SASH1: variants seen among roughly 807,000 people sequenced by gnomAD.
SASH1 encodes the protein SAM and SH3 domain-containing protein 1.
Under a neutral mutation model 125.2 loss-of-function variants are expected in SASH1, and 44 were observed. That is an observed-to-expected ratio of 0.35 (90% confidence interval 0.28 to 0.45). The LOEUF (loss-of-function observed/expected upper bound fraction) is 0.45, where lower values mean the gene tolerates loss of function less well. Ranked by LOEUF, SASH1 falls within the 20% of genes least tolerant of loss-of-function variation. SASH1 has a pLI of 1.00. For missense variants in SASH1, 1,426 were observed against 1,614.5 expected, an observed-to-expected ratio of 0.88 and a Z score of 2.00; for synonymous variants, 639 against 649.1, an observed-to-expected ratio of 0.98 and a Z score of 0.24.
rs185392150 is a variant in SASH1, at chr6:148,539,191, T to C, written c.2096-1252T>C. On this transcript the variant is annotated intron_variant, in intron 16 of 19. Coordinates refer to ENST00000367467, the MANE Select transcript of SASH1 (RefSeq NM_015278.5). ...CCTCAGAATGAGGTCTTCCTTTTTT[T>C]TTCTTTATTTTATTTTTTATTTATT... 2.2e-4 allele frequency among the ~76,000 whole-genome samples: 33 copies of C among 152,288 alleles called. No homozygotes were observed. In the East Asian group the frequency reaches 6.4e-3, roughly 29 times the overall value.
chr6:148,388,256 C>G (rs933789460), intron 1 of SASH1, among the ~76,000 whole-genome samples: 1 of 151,450 alleles, frequency 6.6e-6, no homozygotes, highest in Non-Finnish European at 1.5e-5. Flanking sequence ...GGAGGCAGCA[C>G]AGCAGAGGCC....
intron 1 of SASH1, among the ~76,000 whole-genome samples, chr6:148,377,050 G>A (rs1229712175): frequency 6.8e-6 from 1 of 147,768 alleles, no homozygotes. Context: ...GGCGCCTGTA[G>A]TCCCAGCTAC....
At position 148,548,421 on chromosome 6, in the gene SASH1, T is replaced by G. The variant is rs186249970; in HGVS notation, c.3607T>G (p.Phe1203Val). The change falls in exon 20 of 20, where the codon TTC becomes GTC. Residue 1203 changes from phenylalanine to valine, a missense_variant. Transcript: ENST00000367467. ...MYAGTLSTAG[F>V]STLSQVPSLS... ...CGCCGGCACCCTCTCCACCGCGGGC[T>G]TCAGCACACTGAGCCAAGTGCCTTC... is the stretch of plus-strand genomic sequence containing the variant. 8 of 1,614,200 alleles carry G rather than the reference T, an allele frequency of 5.0e-6. No individual in the cohort carries two copies. The East Asian group carries it at 1.8e-4, about 36-fold the overall frequency.
intron 1 of SASH1, among the ~76,000 whole-genome samples, chr6:148,363,063 A>G (rs1782301553): frequency 6.6e-6 from 1 of 152,164 alleles, no homozygotes; most frequent in African/African-American, 2.4e-5. Context: ...GTCTGGGCAG[A>G]TATGCTGATG....
At chr6:148,356,120 T>C (rs190821500) in intron 1 of SASH1, among the ~76,000 whole-genome samples, 7 of 151,166 alleles carry the variant, frequency 4.6e-5, no homozygotes, top group African/African-American at 1.7e-4. Flanking sequence ...AGTCTTGCTC[T>C]ATCCCCCAGG....
At chr6:148,283,059 G>A (rs999242511) in intron 1 of SASH1, among the ~76,000 whole-genome samples, 1 of 152,060 alleles carries the variant, frequency 6.6e-6, no homozygotes, top group African/African-American at 2.4e-5. Flanking sequence ...TTTCATCTGG[G>A]GACTCCCTGC....
intron 1 of SASH1, among the ~76,000 whole-genome samples, chr6:148,277,591 A>G (rs1239527490): frequency 6.6e-6 from 1 of 152,256 alleles, no homozygotes; most frequent in Non-Finnish European, 1.5e-5. Flanking sequence ...TCTTTCCGAA[A>G]GTTTGCAGAC....
chr6:148,452,209 A>G (rs1213500276), intron 4 of SASH1, among the ~76,000 whole-genome samples: 1 of 152,260 alleles, frequency 6.6e-6, no homozygotes, highest in African/African-American at 2.4e-5. Context: ...GACTGGCCCA[A>G]GAGCCAGGTG....
intron 1 of SASH1, among the ~76,000 whole-genome samples, chr6:148,289,378 A>G (rs1381526942): frequency 2.0e-5 from 3 of 152,216 alleles, no homozygotes; most frequent in Non-Finnish European, 4.4e-5. Context: ...GAGCCTATCT[A>G]ACTTCACATG....
intron 1 of SASH1, among the ~76,000 whole-genome samples, chr6:148,325,038 C>T (rs1780758530): frequency 6.6e-6 from 1 of 152,198 alleles, no homozygotes; most frequent in South Asian, 2.1e-4. Context: ...GGTAGAACCT[C>T]AATTCCATCC....
chr6:148,399,302 C>G (rs536572576), intron 2 of SASH1, among the ~76,000 whole-genome samples: 3 of 148,438 alleles, frequency 2.0e-5, no homozygotes, highest in African/African-American at 7.5e-5. Flanking sequence ...ACTGGAACCT[C>G]CACCTCCCGG....
At chr6:148,320,164 G>A (rs1229111681) in intron 1 of SASH1, among the ~76,000 whole-genome samples, 1 of 152,298 alleles carries the variant, frequency 6.6e-6, no homozygotes, top group Middle Eastern at 3.4e-3. Flanking sequence ...AATATCTATA[G>A]GGTTCAGCAC....
At chr6:148,247,971 T>G in the SASH1 span, among the ~76,000 whole-genome samples, 4 of 152,334 alleles carry the variant, frequency 2.6e-5, no homozygotes, top group African/African-American at 9.6e-5. Flanking sequence ...GAGTATCTCT[T>G]TTTTAGACAT....
intron 11 of SASH1, 30 bp from the exon 12 acceptor site, chr6:148,527,423 C>T (rs751476667): frequency 2.3e-5 from 35 of 1,539,980 alleles, no homozygotes; most frequent in Admixed American, 7.0e-5. Context: ...TTTCTGCGAC[C>T]AACAATACTT....
chr6:148,291,103 G>A (rs1047070801), intron 1 of SASH1, among the ~76,000 whole-genome samples: 4 of 151,560 alleles, frequency 2.6e-5, no homozygotes, highest in Admixed American at 6.6e-5. Context: ...CTGCTCAAGC[G>A]ATCCTCCTGC....
At chr6:148,535,949 G>A (rs896387000) in intron 16 of SASH1, among the ~76,000 whole-genome samples, 1 of 152,174 alleles carries the variant, frequency 6.6e-6, no homozygotes, top group Non-Finnish European at 1.5e-5. Context: ...GTGTCATTAG[G>A]TGAAATTCCC....
intron 4 of SASH1, among the ~76,000 whole-genome samples, chr6:148,447,710 TCTC>T (rs767373841): frequency 1.6e-3 from 245 of 149,750 alleles, no homozygotes; most frequent in Admixed American, 4.0e-3. Context: ...TCTTCCTCCT[TCTC>T]CTCCTCCTCA....
chr6:148,346,664 TC>T (rs1226482838), intron 1 of SASH1, among the ~76,000 whole-genome samples: 2 of 152,216 alleles, frequency 1.3e-5, no homozygotes, highest in Non-Finnish European at 2.9e-5. Flanking sequence ...AAAGCATTGT[TC>T]TGTCAAGACA....
intron 8 of SASH1, among the ~76,000 whole-genome samples, chr6:148,491,808 A>G (rs1195953353): frequency 6.6e-6 from 1 of 152,192 alleles, no homozygotes; most frequent in Non-Finnish European, 1.5e-5. Flanking sequence ...AGTGACTGAG[A>G]CATTACCGTT....
Sources: allele counts gnomAD v4.1 joint callset (sites outside exome capture counted in the v4.1 genomes callset), GRCh38; gene constraint gnomAD v4.1.1; transcripts MANE v1.5; gene names NCBI Gene and HGNC (gene_info 2026-07-23, HGNC 2026-07-21).